Variants in ZC3H12B observed in about 807,000 individuals in gnomAD.
The protein encoded by ZC3H12B is probable ribonuclease ZC3H12B.
A neutral mutation model predicts 43.9 loss-of-function variants in ZC3H12B; 7 were observed. The observed-to-expected ratio is 0.16, with a 90% CI of 0.09 to 0.30. The LOEUF (loss-of-function observed/expected upper bound fraction) is 0.30. Ranked by LOEUF, ZC3H12B falls within the 10% of genes least tolerant of loss-of-function variation. The pLI, the probability that ZC3H12B is intolerant of heterozygous loss-of-function variation, is 1.00. For synonymous variants in ZC3H12B, 222 were observed against 241.7 expected, an observed-to-expected ratio of 0.92 and a Z score of 0.76; for missense variants, 475 against 670.2, an observed-to-expected ratio of 0.71 and a Z score of 3.22.
chrX:65,234,209 C>T, the ZC3H12B span, among the ~76,000 whole-genome samples: 1 of 111,803 alleles, frequency 8.9e-6, no homozygotes, highest in Non-Finnish European at 1.9e-5. Flanking sequence ...TCAGCATATG[C>T]AAATCAATAA....
chrX:65,073,592 G>T, the ZC3H12B span, among the ~76,000 whole-genome samples: 3 of 112,086 alleles, frequency 2.7e-5, no homozygotes, highest in East Asian at 2.8e-4. Flanking sequence ...GAAGCAAGTT[G>T]AGCCTAGGAA....
chrX:65,217,636 A>C, the ZC3H12B span, among the ~76,000 whole-genome samples: 2 of 112,480 alleles, frequency 1.8e-5, no homozygotes, highest in African/African-American at 6.5e-5. Flanking sequence ...ACAAGTAGAA[A>C]TTCTGAAGCT....
the ZC3H12B span, among the ~76,000 whole-genome samples, chrX:65,224,528 C>A: frequency 8.9e-6 from 1 of 112,641 alleles, no homozygotes; most frequent in Middle Eastern, 4.6e-3. Flanking sequence ...GGGCGCAGGA[C>A]AGTGGGTGCA....
intron 2 of ZC3H12B, among the ~76,000 whole-genome samples, chrX:65,395,671 G>A (rs2066687246): frequency 9.0e-6 from 1 of 111,647 alleles, no homozygotes; most frequent in Non-Finnish European, 1.9e-5. Flanking sequence ...TCTTTGCCAG[G>A]TTTTGGAATC....
chrX:65,229,920 C>A, the ZC3H12B span, among the ~76,000 whole-genome samples: 1 of 111,275 alleles, frequency 9.0e-6, no homozygotes, highest in African/African-American at 3.3e-5. Flanking sequence ...AATAGGAACA[C>A]TTTTACACTG....
At chrX:65,096,321 T>A in the ZC3H12B span, among the ~76,000 whole-genome samples, 4 of 110,906 alleles carry the variant, frequency 3.6e-5, no homozygotes, top group Non-Finnish European at 7.6e-5. Flanking sequence ...ATGGCACACG[T>A]TTACCTATGT....
the ZC3H12B span, among the ~76,000 whole-genome samples, chrX:65,205,051 T>G: frequency 8.9e-6 from 1 of 112,336 alleles, no homozygotes; most frequent in South Asian, 3.6e-4. Flanking sequence ...GTAGAATAAC[T>G]TGTTACATGT....
the ZC3H12B span, among the ~76,000 whole-genome samples, chrX:65,157,227 C>A: frequency 9.0e-6 from 1 of 111,562 alleles, no homozygotes; most frequent in African/African-American, 3.3e-5. Flanking sequence ...GGTATCTGCC[C>A]GCCTATGCCT....
chrX:65,469,905 G>T (rs957782834), intron 3 of ZC3H12B: 1 of 112,108 alleles, frequency 8.9e-6, no homozygotes, highest in Non-Finnish European at 1.9e-5. Context: ...GGAGGCAGAG[G>T]TTGCAGTGAG....
the ZC3H12B span, among the ~76,000 whole-genome samples, chrX:65,037,727 C>T: frequency 2.7e-5 from 3 of 110,766 alleles, no homozygotes; most frequent in South Asian, 7.7e-4. Context: ...TATTAATATG[C>T]TCCAAAGACT....
chrX:65,129,180 A>G, the ZC3H12B span, among the ~76,000 whole-genome samples: 3 of 107,856 alleles, frequency 2.8e-5, no homozygotes, highest in Non-Finnish European at 5.7e-5. Context: ...ATTTTGATAT[A>G]TCTATAGTGT....
At chrX:65,357,723 A>G in the ZC3H12B span, among the ~76,000 whole-genome samples, 1 of 112,104 alleles carries the variant, frequency 8.9e-6, no homozygotes, top group Non-Finnish European at 1.9e-5. Flanking sequence ...AATTGGTACC[A>G]GTCACTGCAA....
chrX:65,227,243 C>T, the ZC3H12B span, among the ~76,000 whole-genome samples: 3 of 111,423 alleles, frequency 2.7e-5, no homozygotes, highest in African/African-American at 9.8e-5. Context: ...CAAAACCGCT[C>T]AACTACATGG....
the ZC3H12B span, among the ~76,000 whole-genome samples, chrX:65,054,055 G>T: frequency 8.9e-6 from 1 of 112,249 alleles, no homozygotes; most frequent in African/African-American, 3.2e-5. Flanking sequence ...CCATTCTGTA[G>T]GTTGCCTGTT....
the ZC3H12B span, among the ~76,000 whole-genome samples, chrX:65,085,306 T>C: frequency 9.0e-6 from 1 of 111,664 alleles, no homozygotes. Context: ...CTTGAGGAGA[T>C]GGATGCCCTA....
chrX:65,248,050 ATT>A, the ZC3H12B span, among the ~76,000 whole-genome samples: 3 of 104,348 alleles, frequency 2.9e-5, no homozygotes, highest in African/African-American at 7.7e-5. Context: ...CACGAAAAAA[ATT>A]TTTTTTTTGT....
chrX:65,207,242 GTGTA>G, the ZC3H12B span, among the ~76,000 whole-genome samples: 16 of 104,464 alleles, frequency 1.5e-4, no homozygotes, highest in African/African-American at 5.1e-4. Context: ...GTGTGTGTGT[GTGTA>G]TATATACACA....
the ZC3H12B span, among the ~76,000 whole-genome samples, chrX:65,162,041 G>T: frequency 9.0e-6 from 1 of 111,252 alleles, no homozygotes; most frequent in African/African-American, 3.3e-5. Context: ...AGTTTGGCTG[G>T]ATATGAAATT....
the ZC3H12B span, among the ~76,000 whole-genome samples, chrX:65,180,209 T>A: frequency 8.9e-6 from 1 of 111,953 alleles, no homozygotes; most frequent in South Asian, 3.7e-4. Context: ...CATACGCAAA[T>A]CATTAAACAT....
Sources: allele counts gnomAD v4.1 joint callset (sites outside exome capture counted in the v4.1 genomes callset), GRCh38; gene constraint gnomAD v4.1.1; transcripts MANE v1.5; gene names NCBI Gene and HGNC (gene_info 2026-07-23, HGNC 2026-07-21).